The following CTNNA1 variants were observed in gnomAD, a reference collection of about 807,000 sequenced individuals.
CTNNA1 encodes the protein catenin alpha 1, also known as catenin alpha-1.
CTNNA1 carries 37 observed loss-of-function variants against 98.4 expected under a neutral mutation model. The observed-to-expected ratio is 0.38, with a 90% confidence interval of 0.29 to 0.49. The LOEUF (loss-of-function observed/expected upper bound fraction) is 0.49. CTNNA1 is among the 20% of genes least tolerant of loss of function. The pLI is 0.95. For synonymous variants in CTNNA1, 404 were observed against 413.2 expected (o/e 0.98, Z 0.27); for missense variants, 761 against 1,147.2 (o/e 0.66, Z 4.86).
chr5:138,905,870 T>G (rs1243513646), intron 10 of CTNNA1, among the ~76,000 whole-genome samples: 1 of 152,246 alleles, frequency 6.6e-6, no homozygotes, highest in Non-Finnish European at 1.5e-5. Context: ...TCTGAGGACT[T>G]ACCTCTCTTT....
At chr5:138,917,244 C>A (rs1761990241) in intron 10 of CTNNA1, among the ~76,000 whole-genome samples, 1 of 152,116 alleles carries the variant, frequency 6.6e-6, no homozygotes, top group Admixed American at 6.5e-5. Flanking sequence ...ATTTTTATCA[C>A]AAGATATTTG....
intron 12 of CTNNA1, among the ~76,000 whole-genome samples, 186 bp downstream of exon 12, chr5:138,924,896 C>T (rs1177875212): frequency 6.6e-6 from 1 of 152,204 alleles, no homozygotes; most frequent in Non-Finnish European, 1.5e-5. Flanking sequence ...TTTTCTTCAT[C>T]TGTATCTCAT....
At chr5:138,842,079 G>A (rs1171098988) in intron 7 of CTNNA1, among the ~76,000 whole-genome samples, 3 of 152,110 alleles carry the variant, frequency 2.0e-5, no homozygotes. Flanking sequence ...AATGACCTGA[G>A]ATATTTTATT....
chr5:138,821,701 TATC>T (rs894286179), intron 5 of CTNNA1, among the ~76,000 whole-genome samples: 7 of 152,344 alleles, frequency 4.6e-5, no homozygotes, highest in African/African-American at 1.4e-4. Context: ...GTCCATGGGA[TATC>T]ATTCAGATTA....
chr5:138,890,324 G>T (rs1216473817), intron 9 of CTNNA1, among the ~76,000 whole-genome samples: 2 of 144,998 alleles, frequency 1.4e-5, no homozygotes, highest in Admixed American at 1.4e-4. Flanking sequence ...AGACCCCACA[G>T]GTTTAGGGCA....
intron 9 of CTNNA1, among the ~76,000 whole-genome samples, chr5:138,903,509 A>G (rs1313949828): frequency 6.6e-6 from 1 of 152,220 alleles, no homozygotes; most frequent in Non-Finnish European, 1.5e-5. Context: ...AAGCCTGTTC[A>G]TTTAGAAATA....
At chr5:138,881,067 T>G in intron 7 of CTNNA1, 1 of 456,312 alleles carries the variant, frequency 2.2e-6, no homozygotes, top group Non-Finnish European at 4.4e-6. Context: ...CCGTCTGCAG[T>G]TGAGATGTTG....
At chr5:138,780,315 G>A (rs1036506383) in intron 1 of CTNNA1, among the ~76,000 whole-genome samples, 2 of 150,924 alleles carry the variant, frequency 1.3e-5, no homozygotes, top group African/African-American at 2.4e-5. Context: ...TCAGCCTCCC[G>A]AGTAGCTGGG....
chr5:138,796,720 T>G (rs1183533600), intron 3 of CTNNA1, among the ~76,000 whole-genome samples: 1 of 152,178 alleles, frequency 6.6e-6, no homozygotes, highest in African/African-American at 2.4e-5. Context: ...AAATGAGTAA[T>G]TTGAACATGT....
At chr5:138,813,429 C>T (rs1406355583) in intron 5 of CTNNA1, among the ~76,000 whole-genome samples, 1 of 152,168 alleles carries the variant, frequency 6.6e-6, no homozygotes, top group East Asian at 1.9e-4. Flanking sequence ...CTGCCTGACT[C>T]AGAATAATCC....
intron 16 of CTNNA1, chr5:138,931,838 T>C: frequency 1.0e-6 from 1 of 985,346 alleles, no homozygotes; most frequent in Non-Finnish European, 1.2e-6. Flanking sequence ...TACCACTCTC[T>C]GTGGTGTACT....
intron 3 of CTNNA1, among the ~76,000 whole-genome samples, chr5:138,809,011 G>T (rs1029725634): frequency 6.6e-6 from 1 of 152,138 alleles, no homozygotes; most frequent in Admixed American, 6.5e-5. Context: ...AAGAGACAGG[G>T]TCTTGTTCTA....
chr5:138,838,271 T>C (rs1424611321), intron 7 of CTNNA1, among the ~76,000 whole-genome samples: 1 of 152,248 alleles, frequency 6.6e-6, no homozygotes, highest in East Asian at 1.9e-4. Context: ...AACTAAGTTA[T>C]GTATTGTTTC....
rs1472238880 is a variant in CTNNA1 at position 138,874,983 on chromosome 5, C to CT, written c.1063-11228dup. Reference sequence around the variant, plus strand: ...CAACGCAGTGAGTCTGTAAAAGGCTCTAACATGTAGGAGCCTTTGACCAGT... The same window carrying CT: ...CAACGCAGTGAGTCTGTAAAAGGCTCTTAACATGTAGGAGCCTTTGACCAGT... On this transcript the variant is annotated intron_variant, in intron 7 of 17. Coordinates refer to ENST00000302763, the MANE Select transcript of CTNNA1 (RefSeq NM_001903.5). This position sits in a 1 kb window ranked among gnomAD's most constrained non-coding sequence, Gnocchi z 4.1. 1.9e-6 allele frequency: 3 copies of CT among 1,545,576 alleles called. No individual in the cohort carries two copies. The highest frequency in any genetic ancestry group is 1.7e-5 in the Admixed American group (1 of 58,504).
chr5:138,861,745 A>G (rs1764304481), intron 7 of CTNNA1, among the ~76,000 whole-genome samples: 2 of 152,252 alleles, frequency 1.3e-5, no homozygotes, highest in South Asian at 2.1e-4. Context: ...AGCAAAATGA[A>G]TAAATGCTAT....
chr5:138,905,829 C>A (rs1043493580), intron 10 of CTNNA1, among the ~76,000 whole-genome samples: 3 of 152,208 alleles, frequency 2.0e-5, no homozygotes, highest in Non-Finnish European at 4.4e-5. Flanking sequence ...TTCCTCTCCA[C>A]TTTCCCATGT....
intron 7 of CTNNA1, among the ~76,000 whole-genome samples, chr5:138,834,360 C>T (rs531229342): frequency 6.6e-6 from 1 of 152,284 alleles, no homozygotes. Context: ...TATATGTACA[C>T]TTATATCTGT....
chr5:138,930,380 C>T (rs1004908709), intron 14 of CTNNA1, 93 bp from the exon 15 acceptor site: 2 of 897,948 alleles, frequency 2.2e-6, no homozygotes, highest in Admixed American at 2.3e-5. Flanking sequence ...CCTACCTATG[C>T]CACAGATTGC....
chr5:138,903,956 A>C (rs1472285882), intron 9 of CTNNA1, among the ~76,000 whole-genome samples: 2 of 152,210 alleles, frequency 1.3e-5, no homozygotes, highest in African/African-American at 4.8e-5. Flanking sequence ...GAACACTGCA[A>C]AACACATTTT....
Sources: gnomAD v4.1 joint callset for allele counts (sites outside exome capture counted in the v4.1 genomes callset) on GRCh38, gnomAD v4.1.1 for gene constraint, Gnocchi (gnomAD v3.1) non-coding constraint, MANE v1.5 for transcripts, NCBI Gene and HGNC (gene_info 2026-07-23, HGNC 2026-07-21) for gene names.